Variants in CAMK1D observed in about 807,000 individuals in gnomAD.
CAMK1D encodes the protein calcium/calmodulin dependent protein kinase ID.
In CAMK1D, 9 loss-of-function variants were observed where a neutral mutation model predicts 47.7. The ratio of observed to expected loss-of-function variants is 0.19; its 90% confidence interval spans 0.11 to 0.33. The LOEUF (loss-of-function observed/expected upper bound fraction) is 0.33. CAMK1D is among the 10% of genes least tolerant of loss of function. The pLI, the probability that CAMK1D is intolerant of heterozygous loss-of-function variation, is 1.00. For synonymous variants in CAMK1D, 184 were observed against 184.9 expected (o/e 0.99, Z 0.04); for missense variants, 291 against 488.7 (o/e 0.60, Z 3.81).
chr10:12,773,108 G>A (rs920776423), intron 5 of CAMK1D, among the ~76,000 whole-genome samples: 5 of 152,162 alleles, frequency 3.3e-5, no homozygotes, highest in African/African-American at 9.7e-5. Context: ...CATTGCATTA[G>A]GGTTCGTATC....
chr10:12,605,485 C>T (rs1368898299), intron 2 of CAMK1D, among the ~76,000 whole-genome samples: 1 of 152,146 alleles, frequency 6.6e-6, no homozygotes, highest in Non-Finnish European at 1.5e-5. Flanking sequence ...GCCCTGGCTG[C>T]CCACCCCTGC....
rs755019492 is a variant in CAMK1D at position 12,396,051 on chromosome 10, T to C, written c.92+46141T>C. On this transcript the variant is annotated intron_variant, in intron 1 of 10. Coordinates refer to ENST00000619168, the MANE Select transcript of CAMK1D (RefSeq NM_153498.4). ...ACCACACCTGGCTAATTTTTGTATT[T>C]TTAGTAGAGACAGGGTTTCATCATG... Among the ~76,000 whole-genome samples the C allele has an allele frequency of 9.5e-4, 144 of 152,146 alleles. 1 individual carries two copies. In the Middle Eastern group the frequency reaches 0.014, roughly 14 times the overall value.
chr10:12,801,728 A>C (rs1378144683), intron 6 of CAMK1D, among the ~76,000 whole-genome samples: 1 of 152,158 alleles, frequency 6.6e-6, no homozygotes, highest in East Asian at 1.9e-4. Context: ...TCATCTATCT[A>C]TATCTATCCA....
chr10:12,655,911 C>G (rs1186297448), intron 2 of CAMK1D, among the ~76,000 whole-genome samples: 1 of 152,250 alleles, frequency 6.6e-6, no homozygotes, highest in Non-Finnish European at 1.5e-5. Context: ...TGTCACCAGG[C>G]TTCTGTGTAG....
chr10:12,742,707 T>C (rs913903913), intron 3 of CAMK1D, among the ~76,000 whole-genome samples: 3 of 147,268 alleles, frequency 2.0e-5, no homozygotes, highest in Non-Finnish European at 4.6e-5. Context: ...TGAACAGTTA[T>C]TTGAGATCAC....
intron 3 of CAMK1D, among the ~76,000 whole-genome samples, chr10:12,693,980 AT>A: frequency 6.3e-5 from 1 of 15,992 alleles, no homozygotes; most frequent in Non-Finnish European, 1.5e-4. Flanking sequence ...TATAATATAT[AT>A]TATATATACA....
chr10:12,716,855 G>A (rs1253370787), intron 3 of CAMK1D, among the ~76,000 whole-genome samples: 7 of 152,254 alleles, frequency 4.6e-5, no homozygotes, highest in South Asian at 2.1e-4. Context: ...CATCACCCGC[G>A]GCCTGGCTGT....
intron 3 of CAMK1D, among the ~76,000 whole-genome samples, chr10:12,675,062 C>T (rs1840762818): frequency 6.6e-6 from 1 of 150,654 alleles, no homozygotes; most frequent in African/African-American, 2.4e-5. Flanking sequence ...AACATTAGTC[C>T]ATATATTCGG....
chr10:12,773,124 G>A (rs1486011765), intron 5 of CAMK1D, among the ~76,000 whole-genome samples: 1 of 152,206 alleles, frequency 6.6e-6, no homozygotes, highest in African/African-American at 2.4e-5. Context: ...GTATCAATCT[G>A]TGTCTCTCAC....
intron 2 of CAMK1D, among the ~76,000 whole-genome samples, chr10:12,632,240 G>T (rs1839401841): frequency 6.6e-6 from 1 of 152,194 alleles, no homozygotes; most frequent in Non-Finnish European, 1.5e-5. Context: ...TGAGGGAAGG[G>T]GAGTCAGAGA....
intron 2 of CAMK1D, among the ~76,000 whole-genome samples, chr10:12,607,248 C>T (rs548155408): frequency 1.3e-5 from 2 of 152,310 alleles, no homozygotes; most frequent in South Asian, 4.1e-4. Flanking sequence ...TTCTTCTTTC[C>T]TGCCTTTCCA....
In CAMK1D at chr10:12,774,322, C is replaced by T. The variant is rs75451668; in HGVS notation, c.565+4523C>T. 3.1e-3 allele frequency among the ~76,000 whole-genome samples: 465 copies of T among 151,966 alleles called. 2 individuals carry two copies. The highest frequency in any genetic ancestry group is 0.011 in the African/African-American group (437 of 41,436). On this transcript the variant is annotated intron_variant, in intron 5 of 10. Coordinates refer to ENST00000619168, the MANE Select transcript of CAMK1D (RefSeq NM_153498.4). ...AGGCAGCCCTCACTAAGAGGGTGGC[C>T]GTGGTAAAGATTTGATAGGAGCGAG...
At chr10:12,615,445 C>CGT (rs1838753867) in intron 2 of CAMK1D, among the ~76,000 whole-genome samples, 1 of 151,328 alleles carries the variant, frequency 6.6e-6, no homozygotes, top group Non-Finnish European at 1.5e-5. Context: ...TGAGTGTGTG[C>CGT]ATGTGTGTGT....
chr10:12,490,706 G>A (rs1834357170), intron 1 of CAMK1D, among the ~76,000 whole-genome samples: 1 of 152,146 alleles, frequency 6.6e-6, no homozygotes, highest in South Asian at 2.1e-4. Flanking sequence ...TTAGCCAGGT[G>A]TGGTGGCACA....
chr10:12,349,792 C>T lies in CAMK1D; in HGVS notation c.-27C>T. On this transcript the variant is annotated 5_prime_UTR_variant, in exon 1 of 11. Transcript: ENST00000619168. Reference sequence around the variant, plus strand: ...GCCCCCTCCCCAGCGCGCCCCCGGCCGCTCCTCCGCGCCGCGCTCGTCGGC... The same window carrying T: ...GCCCCCTCCCCAGCGCGCCCCCGGCTGCTCCTCCGCGCCGCGCTCGTCGGC... 1 of 1,299,044 alleles carries T rather than the reference C, an allele frequency of 7.7e-7. No homozygotes were observed. Among genetic ancestry groups the T allele is most frequent in the African/African-American group, 1.5e-5 (1 of 64,520 alleles). The allele number at this position is 1,299,044 out of a possible 1,614,324, so 80.5% of individuals were successfully genotyped here. A position where few individuals can be genotyped will look rare whatever the true frequency, so the allele number is the denominator to read the frequency against.
At chr10:12,368,405 A>C (rs934639520) in intron 1 of CAMK1D, among the ~76,000 whole-genome samples, 1 of 144,280 alleles carries the variant, frequency 6.9e-6, no homozygotes, top group South Asian at 2.1e-4. Context: ...GACCCTATTA[A>C]AAAAAAAAAA....
chr10:12,585,741 C>T (rs1837797723), intron 2 of CAMK1D, among the ~76,000 whole-genome samples: 1 of 152,194 alleles, frequency 6.6e-6, no homozygotes, highest in Non-Finnish European at 1.5e-5. Context: ...GTCCCTCCCA[C>T]AACACGTGGG....
chr10:12,799,028 C>T (rs1347949537), intron 6 of CAMK1D, among the ~76,000 whole-genome samples: 1 of 152,084 alleles, frequency 6.6e-6, no homozygotes, highest in East Asian at 1.9e-4. Context: ...GGCTTCAGGC[C>T]CCATTTGTGA....
chr10:12,532,356 T>C (rs1448283578), intron 1 of CAMK1D, among the ~76,000 whole-genome samples: 1 of 151,206 alleles, frequency 6.6e-6, no homozygotes, highest in Non-Finnish European at 1.5e-5. Flanking sequence ...CTCGGCTCAC[T>C]GCAAGCTCCG....
Sources: allele counts gnomAD v4.1 joint callset (sites outside exome capture counted in the v4.1 genomes callset), GRCh38; gene constraint gnomAD v4.1.1; transcripts MANE v1.5; gene names NCBI Gene and HGNC (gene_info 2026-07-23, HGNC 2026-07-21).